Variants in CHD9 observed in about 807,000 individuals in gnomAD.
The protein encoded by CHD9 is ATP-dependent chromatin remodeler CHD9.
CHD9 carries 77 observed loss-of-function variants against 316.1 expected under a neutral mutation model. The observed-to-expected ratio is 0.24, with a 90% confidence interval of 0.20 to 0.29. The LOEUF is 0.29. Ranked by LOEUF, CHD9 falls within the 10% of genes least tolerant of loss-of-function variation. The pLI, the probability that CHD9 is intolerant of heterozygous loss-of-function variation, is 1.00. For synonymous variants in CHD9, 1,129 were observed against 1,158.3 expected, an observed-to-expected ratio of 0.97 and a Z score of 0.51; for missense variants, 2,763 against 3,438.1, an observed-to-expected ratio of 0.80 and a Z score of 4.91.
intron 30 of CHD9, among the ~76,000 whole-genome samples, chr16:53,302,236 G>A (rs1260030122): frequency 1.3e-5 from 2 of 151,758 alleles, no homozygotes; most frequent in African/African-American, 4.8e-5. Context: ...TTTCTTTCTC[G>A]TTAGCTTCCT....
At chr16:53,084,779 A>T (rs997839740) in intron 1 of CHD9, among the ~76,000 whole-genome samples, 5 of 152,132 alleles carry the variant, frequency 3.3e-5, no homozygotes, top group Admixed American at 1.3e-4. Flanking sequence ...CAATCACAGA[A>T]GCCGGAAAGT....
chr16:53,308,889 A>G (rs528921506), intron 34 of CHD9, 35 bp downstream of exon 34: 2 of 1,535,496 alleles, frequency 1.3e-6, no homozygotes, highest in Admixed American at 3.7e-5. Context: ...TTACTATGAA[A>G]TATTTTCTGT....
chr16:53,227,565 G>T lies in CHD9; in HGVS notation c.2130G>T (p.Met710Ile). 1 of 1,410,332 alleles carries T rather than the reference G, an allele frequency of 7.1e-7. No individual in the cohort carries two copies. The highest frequency in any genetic ancestry group is 1.5e-5 in the South Asian group (1 of 68,346). The allele number at this position is 1,410,332 out of a possible 1,614,324, so 87.4% of individuals were successfully genotyped here. A position where few individuals can be genotyped will look rare whatever the true frequency, so the allele number is the denominator to read the frequency against. ...TTTCTTAGATATCACCTGGAGTGAT[G>T]ATTGATACAGAAGAATTTTTTGTAA... ...TVKKEISPGV[M>I]IDTEEFFVKY... Residue 710 changes from methionine to isoleucine, a missense_variant, in exon 7 of 39, where the codon ATG (methionine) becomes ATT (isoleucine). Physicochemically the swap from Met to Ile is conservative, Grantham distance 10. This residue lies in a region of CHD9 where 859 missense variants were observed against 890.4 expected (regional missense o/e 0.96). Transcript: ENST00000447540.
Position 53,274,239 on chromosome 16 carries a change from A to C in CHD9, c.4904A>C (p.Tyr1635Ser). The change falls in exon 24 of 39, where the codon TAT (tyrosine) becomes TCT (serine). Residue 1635 changes from tyrosine (Y) to serine (S), a missense_variant. By Grantham distance (144) the Tyr-to-Ser change is moderately radical. This residue lies in a region of CHD9 where 7 missense variants were observed against 26.4 expected (regional missense o/e 0.27). Coordinates refer to ENST00000447540, the MANE Select transcript of CHD9 (RefSeq NM_001308319.2). ...NKVLLRVRMLYYLKQEVIGNE... is the reference protein window; with the variant it reads ...NKVLLRVRMLSYLKQEVIGNE... ...GTTTTGCTTCGTGTGAGAATGCTGT[A>C]TTATCTAAAGCAAGAAGTTATTGGA... The C allele has an allele frequency of 6.2e-7, 1 of 1,607,228 alleles. No homozygotes were observed. Among genetic ancestry groups the C allele is most frequent in the Non-Finnish European group, 8.5e-7 (1 of 1,175,596 alleles).
chr16:53,234,640 C>T (rs574777641), intron 10 of CHD9, among the ~76,000 whole-genome samples: 1 of 151,906 alleles, frequency 6.6e-6, no homozygotes, highest in South Asian at 2.1e-4. Context: ...TTGTGTCTCC[C>T]TGTGTTGCCC....
In CHD9 at chr16:53,304,101, C is replaced by G; in HGVS notation, c.6095C>G (p.Pro2032Arg). The change falls in exon 31 of 39, where the codon CCT (proline) becomes CGT (arginine). Residue 2032 changes from proline to arginine, a missense_variant. This residue lies in a region of CHD9 where 663 missense variants were observed against 751.2 expected (regional missense o/e 0.88). Transcript: ENST00000447540. ...ALSASPLTSLPRLLDAKGIIL... is the reference protein window; with the variant it reads ...ALSASPLTSLRRLLDAKGIIL... Reference sequence around the variant, plus strand: ...TCTGCTTCTCCTCTTACCTCTCTACCTAGGCTCCTAGATGCTAAAGGTATT... The same window carrying G: ...TCTGCTTCTCCTCTTACCTCTCTACGTAGGCTCCTAGATGCTAAAGGTATT... 1.2e-6 allele frequency: 2 copies of G among 1,613,932 alleles called. No individual in the cohort carries two copies. Among genetic ancestry groups the G allele is most frequent in the Non-Finnish European group, 1.7e-6 (2 of 1,179,856 alleles).
chr16:53,234,301 G>C (rs562227821), intron 10 of CHD9, among the ~76,000 whole-genome samples: 1 of 152,188 alleles, frequency 6.6e-6, no homozygotes, highest in East Asian at 1.9e-4. Context: ...TATAAATAAA[G>C]ACAGTTTGTT....
chr16:53,296,568 G>A lies in CHD9; in HGVS notation c.5511-388G>A, dbSNP rs979437469. 6.7e-5 allele frequency among the ~76,000 whole-genome samples: 10 copies of A among 150,052 alleles called. No individual in the cohort carries two copies. In the East Asian group the frequency reaches 2.0e-3, roughly 30 times the overall value. The stretch of plus-strand genomic sequence containing the variant: ...CCATTCTCCTGCCTCAGCCTCCTGA[G>A]CAGCTGGGACTACAGGCGCCCGCCA... On this transcript the variant is annotated intron_variant, in intron 29 of 38. Transcript: ENST00000447540.
intron 1 of CHD9, among the ~76,000 whole-genome samples, chr16:53,087,821 G>A (rs535733333): frequency 1.4e-4 from 21 of 151,986 alleles, no homozygotes; most frequent in African/African-American, 2.2e-4. Context: ...GGTCGTGGGC[G>A]CCCATAATCC....
chr16:53,066,937 CT>C (rs1441408858), intron 1 of CHD9, among the ~76,000 whole-genome samples: 1 of 152,020 alleles, frequency 6.6e-6, no homozygotes, highest in Non-Finnish European at 1.5e-5. Context: ...CCAATTTCCC[CT>C]ATTATTATTA....
rs1315129632 is a variant in CHD9 at position 53,327,047 on chromosome 16, A to G, written c.*2152A>G. ...GTTTTCAAAGCATTAAGTCTAACAT[A>G]ACTTTAAACATTCTCTTAGGTTTCA... On this transcript the variant is annotated 3_prime_UTR_variant, in exon 39 of 39. Transcript: ENST00000447540. The G allele has an allele frequency of 6.6e-6, 1 of 152,520 alleles. No homozygotes were observed. The highest frequency in any genetic ancestry group is 2.4e-5 in the African/African-American group (1 of 41,438). The allele number at this position is 152,520 out of a possible 1,614,324, so 9.4% of individuals were successfully genotyped here. A position where few individuals can be genotyped will look rare whatever the true frequency, so the allele number is the denominator to read the frequency against.
At position 53,281,565 on chromosome 16, in the gene CHD9, TC is replaced by T. The variant is rs548455543; in HGVS notation, c.4968-4030del. On this transcript the variant is annotated intron_variant, in intron 24 of 38. Coordinates refer to ENST00000447540, the MANE Select transcript of CHD9 (RefSeq NM_001308319.2). ...TGGTATTTCTAAAGCAAAAATCAGGTCTTGGCACTCCTTAACACCCTCCAGA... is the reference window on the plus strand; with the variant it reads ...TGGTATTTCTAAAGCAAAAATCAGGTTTGGCACTCCTTAACACCCTCCAGA... Among the ~76,000 whole-genome samples the T allele has an allele frequency of 4.7e-4, 71 of 152,292 alleles. 2 individuals carry two copies. In the South Asian group the frequency reaches 0.013, roughly 28 times the overall value.
intron 27 of CHD9, among the ~76,000 whole-genome samples, chr16:53,288,714 T>C (rs1240585617): frequency 6.6e-6 from 1 of 152,158 alleles, no homozygotes; most frequent in African/African-American, 2.4e-5. Flanking sequence ...CAAAGGCCAG[T>C]AATTACTGAC....
At chr16:53,270,751 GGGCTGAATCTTAGGTC>G (rs969075616) in intron 22 of CHD9, among the ~76,000 whole-genome samples, 4 of 152,114 alleles carry the variant, frequency 2.6e-5, no homozygotes, top group Non-Finnish European at 5.9e-5. Flanking sequence ...CAACCTGAGA[GGGCTGAATCTTAGGTC>G]AGCAGTGGGA....
At chr16:53,192,624 C>T (rs2044565725) in intron 2 of CHD9, among the ~76,000 whole-genome samples, 1 of 152,174 alleles carries the variant, frequency 6.6e-6, no homozygotes. Flanking sequence ...CCCACAATTC[C>T]CTCATTCCCG....
At chr16:53,183,184 A>G (rs1403118429) in intron 2 of CHD9, among the ~76,000 whole-genome samples, 2 of 152,194 alleles carry the variant, frequency 1.3e-5, no homozygotes, top group Non-Finnish European at 2.9e-5. Flanking sequence ...AAGGTAGTAT[A>G]TAAACATCAG....
intron 37 of CHD9, chr16:53,321,257 T>C: frequency 7.4e-7 from 1 of 1,354,926 alleles, no homozygotes; most frequent in Non-Finnish European, 9.7e-7. Flanking sequence ...AACTAGGCTA[T>C]ATGGCCTGTC....
Position 53,322,374 on chromosome 16 carries a change from G to A in CHD9, c.7818+744G>A, listed in dbSNP as rs982537374. On this transcript the variant is annotated intron_variant, in intron 38 of 38. Coordinates refer to ENST00000447540, the MANE Select transcript of CHD9 (RefSeq NM_001308319.2). ...TGTAATCCCAGCACCTTGGGAGGCC[G>A]AGGCGGGTGGATCACCTGAGGTCAG... Among the ~76,000 whole-genome samples the A allele has an allele frequency of 3.3e-5, 5 of 151,520 alleles. No individual in the cohort carries two copies. The East Asian group carries it at 7.9e-4, about 24-fold the overall frequency.
At chr16:53,201,040 A>G (rs2045411555) in intron 2 of CHD9, among the ~76,000 whole-genome samples, 1 of 152,176 alleles carries the variant, frequency 6.6e-6, no homozygotes, top group South Asian at 2.1e-4. Flanking sequence ...CAGTTGAGGA[A>G]GCTGAGGCCC....
Sources: gnomAD v4.1 joint callset for allele counts (sites outside exome capture counted in the v4.1 genomes callset) on GRCh38, gnomAD v4.1.1 for gene constraint, gnomAD v4.1.1 regional missense constraint, MANE v1.5 for transcripts, NCBI Gene and HGNC (gene_info 2026-07-23, HGNC 2026-07-21) for gene names.